KCTD20: variants seen among roughly 807,000 people sequenced by gnomAD.
KCTD20 encodes potassium channel tetramerization domain containing 20.
In KCTD20, 30 loss-of-function variants were observed where a neutral mutation model predicts 39.6. The observed-to-expected ratio is 0.76, with a 90% CI of 0.57 to 1.03. The LOEUF (loss-of-function observed/expected upper bound fraction) is 1.03, where lower values mean the gene tolerates loss of function less well. Among genes scored for constraint, KCTD20 ranks in the 50% least tolerant of loss-of-function variants. The probability of loss-of-function intolerance (pLI) is 0.00; values close to 1 mark genes in which losing one functional copy is unlikely to be tolerated. For synonymous variants in KCTD20, 162 were observed against 180.6 expected (o/e 0.90, Z 0.83); for missense variants, 422 against 522.0 (o/e 0.81, Z 1.87).
intron 1 of KCTD20, among the ~76,000 whole-genome samples, chr6:36,465,017 G>T (rs191917351): frequency 6.6e-6 from 1 of 152,250 alleles, no homozygotes; most frequent in East Asian, 1.9e-4. Flanking sequence ...ACTATTAACG[G>T]TATGAAATGG....
chr6:36,486,252 G>A (rs918025055), intron 7 of KCTD20, among the ~76,000 whole-genome samples: 3 of 151,990 alleles, frequency 2.0e-5, no homozygotes, highest in Non-Finnish European at 4.4e-5. Context: ...CCTCCTACTC[G>A]GTCTTTCCCT....
intron 5 of KCTD20, 75 bp downstream of exon 5, chr6:36,479,786 T>A (rs1376352300): frequency 2.4e-6 from 2 of 842,706 alleles, no homozygotes; most frequent in East Asian, 5.6e-5. Context: ...CCGATTTTTT[T>A]TTTTTTTTTT....
At chr6:36,454,832 T>C (rs184994470) in intron 1 of KCTD20, among the ~76,000 whole-genome samples, 192 of 150,564 alleles carry the variant, frequency 1.3e-3, no homozygotes, top group South Asian at 0.011. Context: ...TTCTGTAGAA[T>C]TGGGGTTTCA....
At chr6:36,473,500 T>C (rs977873528) in intron 2 of KCTD20, among the ~76,000 whole-genome samples, 4 of 151,830 alleles carry the variant, frequency 2.6e-5, no homozygotes, top group African/African-American at 4.8e-5. Flanking sequence ...TGGCCAGGCG[T>C]GGTGGCTCAT....
In KCTD20 at chr6:36,487,182, C is replaced by A; in HGVS notation, c.*7C>A. On this transcript the variant is annotated 3_prime_UTR_variant, in exon 8 of 8. Transcript: ENST00000373731. Reference sequence around the variant, plus strand: ...TAACGACTTTCAGGATTAGGGCCAGCTGTGGGTCTACTCCTTGTTGGAGCC... The same window carrying A: ...TAACGACTTTCAGGATTAGGGCCAGATGTGGGTCTACTCCTTGTTGGAGCC... The A allele has an allele frequency of 1.2e-6, 2 of 1,606,666 alleles. No individual in the cohort carries two copies. Among genetic ancestry groups the A allele is most frequent in the South Asian group, 1.1e-5 (1 of 89,870 alleles).
Position 36,445,234 on chromosome 6 carries a change from C to T in KCTD20, c.-47+2123C>T, listed in dbSNP as rs192418379. Among the ~76,000 whole-genome samples, 452 of 145,582 alleles carry T rather than the reference C, an allele frequency of 3.1e-3. 2 individuals are homozygous for T. Among genetic ancestry groups the T allele is most frequent in the African/African-American group, 0.01 (411 of 39,378 alleles). ...CCGAGATCGCGCCATTGTACTCCAG[C>T]CTGGGCAACAGAGTGAGACTCCGTC... On this transcript the variant is annotated intron_variant, in intron 1 of 7. Transcript: ENST00000373731.
chr6:36,449,759 G>A (rs559732409), intron 1 of KCTD20, among the ~76,000 whole-genome samples: 7 of 152,110 alleles, frequency 4.6e-5, no homozygotes, highest in Non-Finnish European at 7.3e-5. Context: ...TAATGACTTC[G>A]TTTAAAAGGC....
In KCTD20 at chr6:36,479,165, A is replaced by G. The variant is rs776455018; in HGVS notation, c.479A>G (p.Glu160Gly). The part of the protein sequence containing the change: ...GREYNFTRPN[E>G]KGEYEIAEGI... ...GAGTACAACTTCACTCGGCCCAATG[A>G]GAAGGGAGAGTATGAGATTGCTGAA... Residue 160 changes from glutamate (E) to glycine (G), a missense_variant, in exon 4 of 8, where the codon GAG becomes GGG. Physicochemically the swap from Glu to Gly is moderately conservative, Grantham distance 98. Coordinates refer to ENST00000373731, the MANE Select transcript of KCTD20 (RefSeq NM_173562.5). 1.2e-5 allele frequency: 19 copies of G among 1,613,928 alleles called. No individual in the cohort carries two copies. Among genetic ancestry groups the G allele is most frequent in the Non-Finnish European group, 1.3e-5 (15 of 1,179,948 alleles).
At chr6:36,468,134 TA>T (rs1444861364) in intron 1 of KCTD20, among the ~76,000 whole-genome samples, 1 of 152,218 alleles carries the variant, frequency 6.6e-6, no homozygotes, top group African/African-American at 2.4e-5. Flanking sequence ...TTACTTATAA[TA>T]AAAATTAATT....
At chr6:36,451,687 A>G (rs950515006) in intron 1 of KCTD20, 1 of 152,352 alleles carries the variant, frequency 6.6e-6, no homozygotes, top group Admixed American at 6.5e-5. Flanking sequence ...ACGAGGTCTC[A>G]CTGTGTTGTC....
intron 2 of KCTD20, among the ~76,000 whole-genome samples, chr6:36,471,150 CAA>C (rs57194798): frequency 0.24 from 32,816 of 138,258 alleles, 4,519 homozygotes; most frequent in African/African-American, 0.41. Context: ...GACTGTGTCT[CAA>C]AAAAAAAAAA....
At chr6:36,443,892 T>A (rs1774953158) in intron 1 of KCTD20, among the ~76,000 whole-genome samples, 1 of 152,238 alleles carries the variant, frequency 6.6e-6, no homozygotes, top group Non-Finnish European at 1.5e-5. Flanking sequence ...TTTAACCAGC[T>A]TATGAAAATA....
chr6:36,462,085 A>G (rs1178059915), intron 1 of KCTD20, among the ~76,000 whole-genome samples: 3 of 152,168 alleles, frequency 2.0e-5, no homozygotes, highest in African/African-American at 7.2e-5. Context: ...GGCTATTAAT[A>G]TAGCTTCACC....
chr6:36,482,945 CAA>C (rs1193405719), intron 6 of KCTD20, among the ~76,000 whole-genome samples: 315 of 82,410 alleles, frequency 3.8e-3, no homozygotes, highest in African/African-American at 0.012. Flanking sequence ...GACTACGTCT[CAA>C]AAAAAAAAAA....
chr6:36,480,600 C>T lies in KCTD20; in HGVS notation c.658+889C>T, dbSNP rs187511914. ...TTTGGAGACAAGAGTCTCGTTCTGT[C>T]GCCCAGGCTGGAGTGCAGTGGCACA... is the stretch of plus-strand genomic sequence containing the variant. On this transcript the variant is annotated intron_variant, in intron 5 of 7. Coordinates refer to ENST00000373731, the MANE Select transcript of KCTD20 (RefSeq NM_173562.5). 8.6e-5 allele frequency among the ~76,000 whole-genome samples: 13 copies of T among 151,992 alleles called. No individual in the cohort carries two copies. In the East Asian group the frequency reaches 2.3e-3, roughly 27 times the overall value.
At chr6:36,465,368 T>C (rs1004917601) in intron 1 of KCTD20, among the ~76,000 whole-genome samples, 3 of 150,510 alleles carry the variant, frequency 2.0e-5, no homozygotes, top group Non-Finnish European at 4.4e-5. Context: ...CCCCATGCCA[T>C]TCCAATTAGT....
chr6:36,459,066 G>C (rs1396777620), intron 1 of KCTD20, among the ~76,000 whole-genome samples: 1 of 152,202 alleles, frequency 6.6e-6, no homozygotes, highest in African/African-American at 2.4e-5. Flanking sequence ...AGCACTTTGG[G>C]AGGCCGAGGT....
chr6:36,480,601 G>A (rs764696226), intron 5 of KCTD20, among the ~76,000 whole-genome samples: 10 of 151,756 alleles, frequency 6.6e-5, no homozygotes, highest in African/African-American at 9.7e-5. Flanking sequence ...TCGTTCTGTC[G>A]CCCAGGCTGG....
At chr6:36,448,874 T>G (rs566217101) in intron 1 of KCTD20, among the ~76,000 whole-genome samples, 79 of 152,302 alleles carry the variant, frequency 5.2e-4, no homozygotes, top group African/African-American at 1.8e-3. Flanking sequence ...GGGTTCGTGG[T>G]CTTGCTGACT....
Sources: allele counts gnomAD v4.1 joint callset (sites outside exome capture counted in the v4.1 genomes callset), GRCh38; gene constraint gnomAD v4.1.1; transcripts MANE v1.5; gene names NCBI Gene and HGNC (gene_info 2026-07-23, HGNC 2026-07-21).